The following SLC12A2 variants were observed in gnomAD, a reference collection of about 807,000 sequenced individuals.
SLC12A2 encodes the protein Na-K-2Cl cotransporter 1.
SLC12A2 carries 67 observed loss-of-function variants against 136.3 expected under a neutral mutation model. The ratio of observed to expected loss-of-function variants is 0.49; its 90% CI spans 0.40 to 0.60. SLC12A2 has a LOEUF of 0.60. Ranked by LOEUF, SLC12A2 falls within the 20% of genes least tolerant of loss-of-function variation. The pLI is 0.00. For synonymous variants in SLC12A2, 619 were observed against 562.9 expected (o/e 1.10, Z -1.41); for missense variants, 1,322 against 1,534.7 (o/e 0.86, Z 2.32).
At chr5:128,150,135 T>C (rs1581113956) in intron 13 of SLC12A2, 37 bp downstream of exon 13, 1 of 1,268,244 alleles carries the variant, frequency 7.9e-7, no homozygotes, top group South Asian at 1.2e-5. Context: ...GTAAATATCA[T>C]TTTTGATTGC....
chr5:128,092,496 C>A (rs984538403), intron 1 of SLC12A2, among the ~76,000 whole-genome samples: 4 of 151,726 alleles, frequency 2.6e-5, no homozygotes, highest in African/African-American at 9.7e-5. Context: ...CAGTGCTGTC[C>A]GATAGAAATA....
intron 1 of SLC12A2, among the ~76,000 whole-genome samples, chr5:128,093,580 T>C (rs1411517943): frequency 6.6e-6 from 1 of 152,192 alleles, no homozygotes; most frequent in Non-Finnish European, 1.5e-5. Flanking sequence ...TTCATCATAC[T>C]GCAAAAGTGA....
At chr5:128,171,935 G>T (rs555667894) in intron 19 of SLC12A2, 189 bp downstream of exon 19, 36 of 439,812 alleles carry the variant, frequency 8.2e-5, no homozygotes, top group Middle Eastern at 5.9e-4. Context: ...TACCAACCTG[G>T]ATGATGGTTA....
intron 16 of SLC12A2, 146 bp downstream of exon 16, chr5:128,158,310 CA>C: frequency 1.6e-6 from 1 of 636,002 alleles, no homozygotes; most frequent in African/African-American, 1.9e-5. Context: ...AGGTAATAAG[CA>C]TAGTACCCAA....
chr5:128,178,709 TA>T lies in SLC12A2; in HGVS notation c.3100+24del. On this transcript the variant is annotated intron_variant, in intron 22 of 26. Coordinates refer to ENST00000262461, the MANE Select transcript of SLC12A2 (RefSeq NM_001046.3). ...ATGGAGGTAAGGTTGTTAATTTTTT[TA>T]AAATGATTTTAAATTTACTGACATT... 6.6e-7 allele frequency: 1 copy of T among 1,518,246 alleles called. No homozygotes were observed. Among genetic ancestry groups the T allele is most frequent in the Non-Finnish European group, 8.8e-7 (1 of 1,131,056 alleles). The allele number at this position is 1,518,246 out of a possible 1,614,324, so 94.0% of individuals were successfully genotyped here.
rs906770394 is a variant in SLC12A2, at chr5:128,184,647, T to A, written c.3436-142T>A. ...ATTTGAGGTTAGTGGAAAGCATTTT[T>A]AAAAAAAATAAAAATAGAGAACAGA... On this transcript the variant is annotated intron_variant, in intron 25 of 26. Transcript: ENST00000262461. 78 of 1,423,960 alleles carry A rather than the reference T, an allele frequency of 5.5e-5. No homozygotes were observed. The East Asian group carries it at 7.5e-4, about 14-fold the overall frequency. 88.2% of individuals were successfully genotyped at this position (1,423,960 alleles called of 1,614,324 possible). A position where few individuals can be genotyped will look rare whatever the true frequency, so the allele number is the denominator to read the frequency against.
intron 1 of SLC12A2, among the ~76,000 whole-genome samples, chr5:128,108,772 G>A (rs1581067256): frequency 6.6e-6 from 1 of 152,182 alleles, no homozygotes; most frequent in South Asian, 2.1e-4. Context: ...AAACTAGTGA[G>A]TTTTGTGATT....
At chr5:128,101,009 A>G (rs1457531901) in intron 1 of SLC12A2, among the ~76,000 whole-genome samples, 1 of 152,162 alleles carries the variant, frequency 6.6e-6, no homozygotes, top group South Asian at 2.1e-4. Context: ...GTAAAGTCAC[A>G]TGGTCACACC....
rs781639737 is a variant in SLC12A2 at position 128,134,305 on chromosome 5, T to A, written c.1299+30T>A. Reference sequence around the variant, plus strand: ...GTTATGATAGGAACACCTGTAAATATTTAATACGTAAACTTTTAGAGCTTA... The same window carrying A: ...GTTATGATAGGAACACCTGTAAATAATTAATACGTAAACTTTTAGAGCTTA... On this transcript the variant is annotated intron_variant, in intron 6 of 26. Coordinates refer to ENST00000262461, the MANE Select transcript of SLC12A2 (RefSeq NM_001046.3). 26 of 1,094,596 alleles carry A rather than the reference T, an allele frequency of 2.4e-5. No individual in the cohort carries two copies. The South Asian group carries it at 3.0e-4, about 13-fold the overall frequency. The allele number at this position is 1,094,596 out of a possible 1,614,324, so 67.8% of individuals were successfully genotyped here.
intron 4 of SLC12A2, among the ~76,000 whole-genome samples, chr5:128,125,300 GA>G (rs1761746524): frequency 6.6e-6 from 1 of 152,194 alleles, no homozygotes; most frequent in African/African-American, 2.4e-5. Context: ...TGTGAAATGA[GA>G]AGTTTAGTAC....
At chr5:128,137,856 C>T (rs1406379064) in intron 7 of SLC12A2, among the ~76,000 whole-genome samples, 2 of 151,808 alleles carry the variant, frequency 1.3e-5, no homozygotes, top group African/African-American at 2.4e-5. Context: ...AAGCTGTGGA[C>T]CAAAATCTAT....
At chr5:128,113,923 TGTATC>T (rs1389026081) in intron 2 of SLC12A2, among the ~76,000 whole-genome samples, 3 of 152,150 alleles carry the variant, frequency 2.0e-5, no homozygotes, top group African/African-American at 7.2e-5. Context: ...AAATATATCT[TGTATC>T]TTTCTTGTTC....
intron 1 of SLC12A2, among the ~76,000 whole-genome samples, chr5:128,107,496 T>C (rs75762457): frequency 6.6e-6 from 1 of 152,142 alleles, no homozygotes. Flanking sequence ...ACTGTGTCCA[T>C]GTGTTCTCAT....
At chr5:128,130,951 C>A in intron 4 of SLC12A2, 116 bp from the exon 5 acceptor site, 1 of 894,712 alleles carries the variant, frequency 1.1e-6, no homozygotes, top group Non-Finnish European at 1.7e-6. Context: ...GCCTCTTTAA[C>A]TGCTCTGCTT....
At chr5:128,161,233 C>T (rs575084967) in intron 16 of SLC12A2, among the ~76,000 whole-genome samples, 374 of 152,200 alleles carry the variant, frequency 2.5e-3, no homozygotes, top group Non-Finnish European at 4.4e-3. Flanking sequence ...TTTTATAGCT[C>T]ACTTTGATTT....
intron 10 of SLC12A2, among the ~76,000 whole-genome samples, chr5:128,146,754 T>C (rs1206799288): frequency 6.6e-6 from 1 of 151,664 alleles, no homozygotes; most frequent in African/African-American, 2.4e-5. Context: ...CACATTTAGC[T>C]CTAGAAGATA....
At chr5:128,093,012 G>GCC (rs1434286796) in intron 1 of SLC12A2, among the ~76,000 whole-genome samples, 1 of 151,996 alleles carries the variant, frequency 6.6e-6, no homozygotes, top group Non-Finnish European at 1.5e-5. Context: ...GTTTATAATT[G>GCC]CCGTCTTTCC....
At chr5:128,132,242 A>G (rs75137792) in intron 5 of SLC12A2, among the ~76,000 whole-genome samples, 1 of 152,054 alleles carries the variant, frequency 6.6e-6, no homozygotes. Flanking sequence ...GAGACCATTT[A>G]GAAGGTTGTA....
At position 128,138,638 on chromosome 5, in the gene SLC12A2, G is replaced by A. The variant is rs903124390; in HGVS notation, c.1450G>A (p.Glu484Lys). 3.7e-6 allele frequency: 6 copies of A among 1,613,194 alleles called. No homozygotes were observed. Among genetic ancestry groups the A allele is most frequent in the Non-Finnish European group, 5.1e-6 (6 of 1,179,766 alleles). Reference protein sequence around the residue: ...NENFGPDFREEETFFSVFAIF... With the variant: ...NENFGPDFREKETFFSVFAIF... ...GAACTTTGGGCCCGATTTTCGAGAG[G>A]AAGAGACTTTCTTTTCTGTATTTGC... The change falls in exon 8 of 27, where the codon GAA becomes AAA. Residue 484 changes from glutamate to lysine, a missense_variant. By Grantham distance (56) the Glu-to-Lys change is moderately conservative. Around this residue, in one of 8 missense-constraint regions of SLC12A2, gnomAD observed 110 missense variants for 114.5 expected, o/e 0.96. Transcript: ENST00000262461.
Sources: allele counts gnomAD v4.1 joint callset (sites outside exome capture counted in the v4.1 genomes callset), GRCh38; gene constraint gnomAD v4.1.1; regional missense constraint gnomAD v4.1.1; transcripts MANE v1.5; gene names NCBI Gene and HGNC (gene_info 2026-07-23, HGNC 2026-07-21).